The following MSN variants were observed in gnomAD, a reference collection of about 807,000 sequenced individuals.
The protein encoded by MSN is moesin, also known as epididymis luminal protein 70.
MSN carries 2 observed loss-of-function variants against 48.0 expected under a neutral mutation model. The ratio of observed to expected loss-of-function variants is 0.04; its 90% CI spans 0.02 to 0.13. The LOEUF (loss-of-function observed/expected upper bound fraction) is 0.13. MSN is among the 10% of genes least tolerant of loss of function. The pLI is 1.00. For missense variants in MSN, 267 were observed against 470.1 expected, an observed-to-expected ratio of 0.57 and a Z score of 3.99; for synonymous variants, 146 against 166.9, an observed-to-expected ratio of 0.87 and a Z score of 0.97.
chrX:65,702,434 G>A (rs1174041737), intron 1 of MSN, among the ~76,000 whole-genome samples: 1 of 106,796 alleles, frequency 9.4e-6, no homozygotes, highest in Non-Finnish European at 1.9e-5. Context: ...GGGAGGCAAA[G>A]GCGGTCGAAT....
intron 1 of MSN, among the ~76,000 whole-genome samples, chrX:65,630,692 A>G (rs1190921810): frequency 9.0e-6 from 1 of 111,593 alleles, no homozygotes; most frequent in African/African-American, 3.3e-5. Flanking sequence ...GCGCTAGGCA[A>G]CCACTAGTCT....
intron 1 of MSN, among the ~76,000 whole-genome samples, chrX:65,682,659 G>A: frequency 8.9e-6 from 1 of 112,041 alleles, no homozygotes; most frequent in Non-Finnish European, 1.9e-5. Flanking sequence ...AACAGAGATG[G>A]TTTCTCACCA....
At chrX:65,620,538 A>G (rs1320874865) in intron 1 of MSN, among the ~76,000 whole-genome samples, 7 of 113,559 alleles carry the variant, frequency 6.2e-5, no homozygotes, top group African/African-American at 2.2e-4. Context: ...GCGCTTCCCA[A>G]GTGAGGCAAT....
intron 5 of MSN, among the ~76,000 whole-genome samples, chrX:65,731,391 G>T (rs2071621335): frequency 8.9e-6 from 1 of 112,106 alleles, no homozygotes; most frequent in African/African-American, 3.2e-5. Flanking sequence ...GCTGGTAACT[G>T]GTAGCCCAAA....
intron 1 of MSN, among the ~76,000 whole-genome samples, chrX:65,603,095 A>T (rs1380176330): frequency 8.9e-6 from 1 of 111,953 alleles, no homozygotes; most frequent in African/African-American, 3.3e-5. Context: ...GGAGTTCTAG[A>T]CCAGCCTGGC....
At chrX:65,600,212 G>C (rs771805384) in intron 1 of MSN, among the ~76,000 whole-genome samples, 4 of 111,379 alleles carry the variant, frequency 3.6e-5, no homozygotes, top group African/African-American at 1.3e-4. Context: ...CCTAGCTTAT[G>C]ATTGGAGTGT....
intron 1 of MSN, among the ~76,000 whole-genome samples, chrX:65,676,263 C>A (rs1163898439): frequency 9.0e-6 from 1 of 111,564 alleles, no homozygotes; most frequent in East Asian, 2.8e-4. Flanking sequence ...CAAAGCACAG[C>A]CCTTTGTCTG....
chrX:65,699,118 T>A lies in MSN; in HGVS notation c.13-17700T>A, dbSNP rs1332391151. Reference sequence around the variant, plus strand: ...CTTTTACGTACTTCATATTTTGAAGTTTTGTGTGATTTTCTGTTTGGGAGA... The same window carrying A: ...CTTTTACGTACTTCATATTTTGAAGATTTGTGTGATTTTCTGTTTGGGAGA... On this transcript the variant is annotated intron_variant, in intron 1 of 12. Coordinates refer to ENST00000360270, the MANE Select transcript of MSN (RefSeq NM_002444.3). Among the ~76,000 whole-genome samples, 3 of 111,851 alleles carry A rather than the reference T, an allele frequency of 2.7e-5. No individual in the cohort carries two copies. In the Admixed American group the frequency reaches 2.8e-4, roughly 11 times the overall value.
At chrX:65,592,869 C>T (rs755074381) in intron 1 of MSN, among the ~76,000 whole-genome samples, 1 of 110,237 alleles carries the variant, frequency 9.1e-6, no homozygotes, top group East Asian at 2.9e-4. Flanking sequence ...GGTGAAACCT[C>T]GTCTCTACTG....
intron 2 of MSN, among the ~76,000 whole-genome samples, chrX:65,721,822 C>A (rs908118941): frequency 8.9e-6 from 1 of 112,055 alleles, no homozygotes; most frequent in Non-Finnish European, 1.9e-5. Flanking sequence ...GTGGCTCATG[C>A]CTGTAATCCT....
intron 1 of MSN, among the ~76,000 whole-genome samples, chrX:65,604,959 C>T (rs2070266843): frequency 8.9e-6 from 1 of 111,755 alleles, no homozygotes. Flanking sequence ...AAACAAAAGT[C>T]GGTTTATGTC....
intron 1 of MSN, among the ~76,000 whole-genome samples, chrX:65,601,550 G>C (rs1311589371): frequency 8.9e-6 from 1 of 112,843 alleles, no homozygotes; most frequent in African/African-American, 3.2e-5. Flanking sequence ...ATGCCTTATA[G>C]GGCTAGAAAG....
intron 1 of MSN, among the ~76,000 whole-genome samples, chrX:65,593,758 G>C (rs1010590897): frequency 2.7e-5 from 3 of 112,151 alleles, no homozygotes; most frequent in Non-Finnish European, 5.6e-5. Context: ...GCGCAGGCTG[G>C]TCTTGGACTC....
chrX:65,671,460 TCTC>T (rs1238132445), intron 1 of MSN, among the ~76,000 whole-genome samples: 2 of 111,739 alleles, frequency 1.8e-5, no homozygotes, highest in African/African-American at 6.5e-5. Flanking sequence ...GACTGTTTAT[TCTC>T]CTGCCATTCC....
At chrX:65,638,154 A>G (rs1217770717) in intron 1 of MSN, among the ~76,000 whole-genome samples, 1 of 112,212 alleles carries the variant, frequency 8.9e-6, no homozygotes, top group Non-Finnish European at 1.9e-5. Flanking sequence ...TCTAGATTGT[A>G]CTCTAATCAT....
intron 1 of MSN, among the ~76,000 whole-genome samples, chrX:65,653,518 C>T (rs776932125): frequency 5.8e-4 from 64 of 110,386 alleles, no homozygotes; most frequent in African/African-American, 2.0e-3. Flanking sequence ...GTTTTAGGAA[C>T]GTAAGTGGTG....
At chrX:65,620,885 G>A (rs778040623) in intron 1 of MSN, among the ~76,000 whole-genome samples, 76 of 96,975 alleles carry the variant, frequency 7.8e-4, no homozygotes, top group African/African-American at 2.9e-3. Context: ...TTTTTTTTGA[G>A]AGTTTTACAG....
At chrX:65,659,249 G>T (rs1420351650) in intron 1 of MSN, among the ~76,000 whole-genome samples, 1 of 110,326 alleles carries the variant, frequency 9.1e-6, no homozygotes, top group Non-Finnish European at 1.9e-5. Flanking sequence ...TGCCTCCCAG[G>T]TTCAAGCAAT....
Position 65,740,176 on chromosome X carries a change from C to T in MSN, c.*283C>T, listed in dbSNP as rs1436722535. ...ATCCTACTTCTCCAGCCTAGAGGTA[C>T]TTTCCACTTGATTTTGCAAATGCCC... is the stretch of plus-strand genomic sequence containing the variant. On this transcript the variant is annotated 3_prime_UTR_variant, in exon 13 of 13. Transcript: ENST00000360270. The T allele has an allele frequency of 2.2e-5, 6 of 279,025 alleles. No individual in the cohort carries two copies. Among genetic ancestry groups the T allele is most frequent in the Middle Eastern group, 9.8e-4 (1 of 1,022 alleles). 23.0% of individuals were successfully genotyped at this position (279,025 alleles called of 1,213,427 possible).
Sources: allele counts gnomAD v4.1 joint callset (sites outside exome capture counted in the v4.1 genomes callset), GRCh38; gene constraint gnomAD v4.1.1; transcripts MANE v1.5; gene names NCBI Gene and HGNC (gene_info 2026-07-23, HGNC 2026-07-21).